NAA11: variants seen among roughly 807,000 people sequenced by gnomAD.
NAA11 encodes the protein N-alpha-acetyltransferase 11.
NAA11 carries 15 observed loss-of-function variants against 16.1 expected under a neutral mutation model. The observed-to-expected ratio is 0.93, with a 90% confidence interval of 0.62 to 1.44. The LOEUF is 1.44. NAA11 is among the 40% of genes most tolerant of loss of function. The probability of loss-of-function intolerance (pLI) is 0.00; values close to 1 mark genes in which losing one functional copy is unlikely to be tolerated. For synonymous variants in NAA11, 122 were observed against 112.4 expected (o/e 1.09, Z -0.54); for missense variants, 298 against 291.3 (o/e 1.02, Z -0.17).
the NAA11 span, among the ~76,000 whole-genome samples, chr4:79,172,846 A>T: frequency 6.6e-6 from 1 of 152,166 alleles, no homozygotes; most frequent in Admixed American, 6.6e-5. Context: ...ATAGAATACT[A>T]GTAGATTTAG....
chr4:79,289,205 T>C (rs1458225585), intron 2 of NAA11, among the ~76,000 whole-genome samples: 1 of 152,232 alleles, frequency 6.6e-6, no homozygotes, highest in Admixed American at 6.5e-5. Flanking sequence ...CCCAACACAA[T>C]GTGGATTTCA....
chr4:79,160,138 C>T, the NAA11 span, among the ~76,000 whole-genome samples: 2 of 151,930 alleles, frequency 1.3e-5, no homozygotes, highest in Non-Finnish European at 2.9e-5. Context: ...ATTACAGGTG[C>T]CTGCCACCAT....
intron 2 of NAA11, among the ~76,000 whole-genome samples, chr4:79,278,338 C>T (rs914678321): frequency 1.1e-4 from 16 of 152,038 alleles, no homozygotes; most frequent in Admixed American, 5.9e-4. Context: ...TCTTATTATT[C>T]CATATTGCCA....
At chr4:79,178,766 T>C in the NAA11 span, among the ~76,000 whole-genome samples, 4 of 152,116 alleles carry the variant, frequency 2.6e-5, no homozygotes, top group Non-Finnish European at 4.4e-5. Context: ...GTGGTGGTTG[T>C]TGGGATGGTG....
At chr4:79,264,955 T>G (rs1722312340) in intron 2 of NAA11, among the ~76,000 whole-genome samples, 1 of 152,200 alleles carries the variant, frequency 6.6e-6, no homozygotes, top group African/African-American at 2.4e-5. Flanking sequence ...AAATACCCAA[T>G]TGCCTACTCA....
intron 2 of NAA11, among the ~76,000 whole-genome samples, chr4:79,290,706 A>G (rs1238899701): frequency 6.6e-6 from 1 of 152,198 alleles, no homozygotes; most frequent in East Asian, 1.9e-4. Context: ...CAGATCCCAT[A>G]TGGTAAGAAA....
chr4:79,320,721 G>A (rs549121851), intron 1 of NAA11, among the ~76,000 whole-genome samples: 8 of 152,266 alleles, frequency 5.3e-5, no homozygotes, highest in South Asian at 4.1e-4. Flanking sequence ...CAACTGTCCT[G>A]CTCAGCATCA....
chr4:79,202,623 T>TTATATATATATATATTTATATATATATA, the NAA11 span, among the ~76,000 whole-genome samples: 2 of 52,622 alleles, frequency 3.8e-5, no homozygotes, highest in African/African-American at 4.6e-5. Context: ...ATATATAGTT[T>TTATATATATATATATTTATATATATATA]TATATATATA....
intron 2 of NAA11, among the ~76,000 whole-genome samples, chr4:79,280,031 C>G (rs575298475): frequency 2.4e-4 from 37 of 152,126 alleles, no homozygotes; most frequent in Admixed American, 3.9e-4. Flanking sequence ...AAGAAAAGTT[C>G]TGAAGATATA....
chr4:79,293,676 T>C (rs1405768661), intron 2 of NAA11, among the ~76,000 whole-genome samples: 1 of 152,154 alleles, frequency 6.6e-6, no homozygotes, highest in African/African-American at 2.4e-5. Flanking sequence ...ATAAAATGAA[T>C]TAAACTCAAT....
chr4:79,321,792 T>C (rs989551711), intron 1 of NAA11, among the ~76,000 whole-genome samples: 1 of 152,256 alleles, frequency 6.6e-6, no homozygotes, highest in Non-Finnish European at 1.5e-5. Context: ...TTCAATATGC[T>C]AACACAAAGC....
At chr4:79,288,005 C>T (rs1046825343) in intron 2 of NAA11, among the ~76,000 whole-genome samples, 1 of 152,128 alleles carries the variant, frequency 6.6e-6, no homozygotes, top group Non-Finnish European at 1.5e-5. Flanking sequence ...CTCATAATCT[C>T]ACATCTGTTA....
the NAA11 span, among the ~76,000 whole-genome samples, chr4:79,176,349 G>T: frequency 2.0e-5 from 3 of 152,116 alleles, no homozygotes; most frequent in Non-Finnish European, 4.4e-5. Flanking sequence ...GAACCAATGG[G>T]ATATGTATAT....
At chr4:79,305,489 C>T (rs918093022) in intron 1 of NAA11, among the ~76,000 whole-genome samples, 32 of 152,154 alleles carry the variant, frequency 2.1e-4, no homozygotes, top group African/African-American at 7.0e-4. Flanking sequence ...CTAGAAAAGC[C>T]GGTATGGCTC....
At chr4:79,241,599 G>A (rs1424071914) in intron 2 of NAA11, among the ~76,000 whole-genome samples, 1 of 152,140 alleles carries the variant, frequency 6.6e-6, no homozygotes, top group Non-Finnish European at 1.5e-5. Context: ...CTAGTCGGTG[G>A]AGATTAACTT....
chr4:79,196,821 T>G, the NAA11 span, among the ~76,000 whole-genome samples: 1 of 151,592 alleles, frequency 6.6e-6, no homozygotes, highest in Non-Finnish European at 1.5e-5. Context: ...CAAGAGTCCT[T>G]TAAATGTTGA....
chr4:79,176,193 C>G, the NAA11 span, among the ~76,000 whole-genome samples: 1 of 152,142 alleles, frequency 6.6e-6, no homozygotes, highest in South Asian at 2.1e-4. Context: ...TGGTTTTGAC[C>G]TCAAGCCTTT....
intron 2 of NAA11, among the ~76,000 whole-genome samples, chr4:79,285,915 C>A (rs1239777271): frequency 6.6e-6 from 1 of 151,862 alleles, no homozygotes. Flanking sequence ...TTTTTTCTCC[C>A]AACAGTGTAT....
chr4:79,250,211 A>G (rs1160908851), intron 2 of NAA11, among the ~76,000 whole-genome samples: 1 of 152,250 alleles, frequency 6.6e-6, no homozygotes, highest in African/African-American at 2.4e-5. Context: ...GCATGCACGG[A>G]GATGCAGGAG....
Sources: gnomAD v4.1 joint callset for allele counts (sites outside exome capture counted in the v4.1 genomes callset) on GRCh38, gnomAD v4.1.1 for gene constraint, MANE v1.5 for transcripts, NCBI Gene and HGNC (gene_info 2026-07-23, HGNC 2026-07-21) for gene names.